ENPP6: variants seen among roughly 807,000 people sequenced by gnomAD.
The protein encoded by ENPP6 is ectonucleotide pyrophosphatase/phosphodiesterase 6.
Under a neutral mutation model 42.0 loss-of-function variants are expected in ENPP6, and 32 were observed. The observed-to-expected ratio is 0.76, with a 90% CI of 0.58 to 1.02. ENPP6 has a LOEUF of 1.02. Among genes scored for constraint, ENPP6 ranks in the 50% least tolerant of loss-of-function variants. The pLI is 0.00. For missense variants in ENPP6, 552 were observed against 566.8 expected, an observed-to-expected ratio of 0.97 and a Z score of 0.27; for synonymous variants, 213 against 216.0, an observed-to-expected ratio of 0.99 and a Z score of 0.12.
At chr4:184,205,013 C>A (rs1732972038) in intron 1 of ENPP6, among the ~76,000 whole-genome samples, 1 of 152,138 alleles carries the variant, frequency 6.6e-6, no homozygotes, top group Admixed American at 6.5e-5. Flanking sequence ...TCACTGCAAC[C>A]TCCTCCTCCT....
At chr4:184,099,344 C>G (rs868228958) in intron 6 of ENPP6, among the ~76,000 whole-genome samples, 1 of 152,222 alleles carries the variant, frequency 6.6e-6, no homozygotes, top group Non-Finnish European at 1.5e-5. Flanking sequence ...GGGTTAAATT[C>G]CAGCTGCTAC....
chr4:184,181,831 C>T (rs1256908560), intron 1 of ENPP6, among the ~76,000 whole-genome samples: 1 of 152,142 alleles, frequency 6.6e-6, no homozygotes, highest in Non-Finnish European at 1.5e-5. Context: ...AACTGGACCC[C>T]TTCCTTACAC....
intron 1 of ENPP6, among the ~76,000 whole-genome samples, chr4:184,165,756 A>G (rs1737339088): frequency 6.6e-6 from 1 of 152,252 alleles, no homozygotes; most frequent in African/African-American, 2.4e-5. Flanking sequence ...TTCTGAAATC[A>G]GGGGTCTCAA....
At chr4:184,212,584 A>G (rs1425835849) in intron 1 of ENPP6, among the ~76,000 whole-genome samples, 1 of 151,424 alleles carries the variant, frequency 6.6e-6, no homozygotes, top group East Asian at 1.9e-4. Flanking sequence ...TCAACGAAAT[A>G]AAAGAGGATA....
At chr4:184,209,883 A>C (rs1733080038) in intron 1 of ENPP6, among the ~76,000 whole-genome samples, 1 of 137,710 alleles carries the variant, frequency 7.3e-6, no homozygotes, top group Non-Finnish European at 1.5e-5. Context: ...CTAACAGTGG[A>C]TCTCTCGGCA....
intron 1 of ENPP6, among the ~76,000 whole-genome samples, chr4:184,190,133 T>C (rs967473001): frequency 6.6e-6 from 1 of 152,114 alleles, no homozygotes; most frequent in Non-Finnish European, 1.5e-5. Flanking sequence ...CTCTGAGAAA[T>C]TTTCCAGACT....
intron 1 of ENPP6, among the ~76,000 whole-genome samples, chr4:184,186,264 G>C (rs1373949026): frequency 6.6e-6 from 1 of 152,188 alleles, no homozygotes; most frequent in Non-Finnish European, 1.5e-5. Flanking sequence ...GTTCCAGTGT[G>C]AATGAAAATG....
chr4:184,187,351 T>C (rs368480406), intron 1 of ENPP6, among the ~76,000 whole-genome samples: 2 of 152,138 alleles, frequency 1.3e-5, no homozygotes, highest in African/African-American at 4.8e-5. Context: ...GCTGGGACCA[T>C]TGGTTGACTC....
intron 7 of ENPP6, among the ~76,000 whole-genome samples, chr4:184,096,615 G>C (rs1735905148): frequency 6.6e-6 from 1 of 152,174 alleles, no homozygotes; most frequent in Non-Finnish European, 1.5e-5. Flanking sequence ...CAAATGACCA[G>C]ATAGGCCCTC....
At chr4:184,152,230 T>C (rs980769303) in intron 2 of ENPP6, among the ~76,000 whole-genome samples, 3 of 152,194 alleles carry the variant, frequency 2.0e-5, no homozygotes, top group Non-Finnish European at 4.4e-5. Flanking sequence ...TCTCCGTGTG[T>C]CTGTGTTCCA....
chr4:184,123,150 T>C (rs900544377), intron 3 of ENPP6, among the ~76,000 whole-genome samples: 2 of 152,244 alleles, frequency 1.3e-5, no homozygotes, highest in Non-Finnish European at 2.9e-5. Flanking sequence ...GGTGCTGTTT[T>C]CTGCTTTCAC....
chr4:184,136,239 TA>T, intron 2 of ENPP6, among the ~76,000 whole-genome samples: 1 of 151,674 alleles, frequency 6.6e-6, no homozygotes, highest in Non-Finnish European at 1.5e-5. Flanking sequence ...TATATTAAAA[TA>T]TAAATTTCAT....
intron 1 of ENPP6, among the ~76,000 whole-genome samples, chr4:184,209,918 T>TG (rs796312162): frequency 0.011 from 1,449 of 128,606 alleles, 26 homozygotes; most frequent in South Asian, 0.089. Context: ...CAGAAGAGAG[T>TG]GGGGGCCAAT....
At chr4:184,208,640 C>T (rs1364908630) in intron 1 of ENPP6, among the ~76,000 whole-genome samples, 1 of 149,706 alleles carries the variant, frequency 6.7e-6, no homozygotes, top group Non-Finnish European at 1.5e-5. Flanking sequence ...GATCAAACTG[C>T]AAGGCGGCAG....
intron 6 of ENPP6, among the ~76,000 whole-genome samples, chr4:184,100,857 G>A (rs1219417470): frequency 6.6e-6 from 1 of 152,196 alleles, no homozygotes; most frequent in Non-Finnish European, 1.5e-5. Context: ...CTGGATTCGT[G>A]CCAGGAACTC....
At chr4:184,207,122 T>C (rs1370182248) in intron 1 of ENPP6, among the ~76,000 whole-genome samples, 1 of 152,252 alleles carries the variant, frequency 6.6e-6, no homozygotes, top group Admixed American at 6.5e-5. Context: ...CCCTGCACTT[T>C]ATTTACTAGT....
chr4:184,112,484 C>T (rs563631969), intron 6 of ENPP6, 188 bp downstream of exon 6: 20 of 674,130 alleles, frequency 3.0e-5, no homozygotes, highest in African/African-American at 1.8e-4. Flanking sequence ...TCTGGGTTCG[C>T]GTCTACAGTT....
intron 6 of ENPP6, among the ~76,000 whole-genome samples, chr4:184,099,438 G>A (rs1001087018): frequency 6.6e-6 from 1 of 152,178 alleles, no homozygotes. Flanking sequence ...GGGTCTGTGG[G>A]GGATGTCATG....
At chr4:184,114,245 C>T (rs997068267) in intron 5 of ENPP6, among the ~76,000 whole-genome samples, 1 of 152,160 alleles carries the variant, frequency 6.6e-6, no homozygotes, top group African/African-American at 2.4e-5. Context: ...GGATTACAGG[C>T]GTCAGCCATC....
Sources: allele counts gnomAD v4.1 joint callset (sites outside exome capture counted in the v4.1 genomes callset), GRCh38; gene constraint gnomAD v4.1.1; transcripts MANE v1.5; gene names NCBI Gene and HGNC (gene_info 2026-07-23, HGNC 2026-07-21).